The following CFAP251 variants were observed in gnomAD, a reference collection of about 807,000 sequenced individuals.
CFAP251 encodes the protein cilia and flagella associated protein 251.
Under a neutral mutation model 126.7 loss-of-function variants are expected in CFAP251, and 93 were observed. The ratio of observed to expected loss-of-function variants is 0.73; its 90% CI spans 0.62 to 0.87. CFAP251 has a LOEUF of 0.87. Among genes scored for constraint, CFAP251 ranks in the 40% least tolerant of loss-of-function variants. CFAP251 has a pLI of 0.00. For synonymous variants in CFAP251, 503 were observed against 506.9 expected (o/e 0.99, Z 0.10); for missense variants, 1,287 against 1,389.2 (o/e 0.93, Z 1.17).
rs766384650 is a variant in CFAP251, at chr12:121,921,494, G to GGAGGAGGAGAAAGAA, written c.196_197insAGAAAGAAGAGGAGG (p.Glu65_Gly66insGluLysGluGluGlu). 1 of 1,613,180 alleles carries GGAGGAGGAGAAAGAA rather than the reference G, an allele frequency of 6.2e-7. No homozygotes were observed. The highest frequency in any genetic ancestry group is 1.3e-5 in the African/African-American group (1 of 74,806). Reference sequence around the variant, plus strand: ...GGAAAACGGGCGAGGAGGAAGGGGAGGAGGAGGGGAAGGAGGACAAAAAGA... The same window carrying GGAGGAGGAGAAAGAA: ...GGAAAACGGGCGAGGAGGAAGGGGAGGAGGAGGAGAAAGAAGAGGAGGGGAAGGAGGACAAAAAGA... On this transcript the variant is annotated inframe_insertion, in exon 2 of 22. Transcript: ENST00000288912.
chr12:121,947,203 C>A lies in CFAP251; in HGVS notation c.1192-1781C>A, dbSNP rs147341921. ...ATAATTTGTCTTCCTTTCCTGCTGA[C>A]TAGTTCTTTCTTTGGCTATATCTAA... On this transcript the variant is annotated intron_variant, in intron 7 of 21. Coordinates refer to ENST00000288912, the MANE Select transcript of CFAP251 (RefSeq NM_144668.6). Among the ~76,000 whole-genome samples the A allele has an allele frequency of 2.8e-3, 422 of 152,226 alleles. 1 individual carries two copies. Among genetic ancestry groups the A allele is most frequent in the Non-Finnish European group, 4.6e-3 (316 of 68,010 alleles).
chr12:121,919,215 A>T (rs1401826196), intron 1 of CFAP251, among the ~76,000 whole-genome samples: 2 of 151,826 alleles, frequency 1.3e-5, no homozygotes, highest in African/African-American at 4.8e-5. Context: ...AGAAATAGAA[A>T]TACCTTTTCT....
chr12:121,945,807 A>G (rs927427441), intron 7 of CFAP251, among the ~76,000 whole-genome samples: 1 of 151,704 alleles, frequency 6.6e-6, no homozygotes, highest in African/African-American at 2.4e-5. Context: ...CTGGGACTAC[A>G]GGCGCCCACC....
At chr12:121,979,079 C>T (rs184600049) in intron 19 of CFAP251, among the ~76,000 whole-genome samples, 148 of 152,286 alleles carry the variant, frequency 9.7e-4, no homozygotes, top group African/African-American at 3.1e-3. Context: ...TCCCTGCTCT[C>T]GGCTTCAGTG....
chr12:121,995,822 A>G (rs541812605), intron 19 of CFAP251, among the ~76,000 whole-genome samples: 1 of 152,316 alleles, frequency 6.6e-6, no homozygotes, highest in Non-Finnish European at 1.5e-5. Flanking sequence ...CATCTCTGAA[A>G]CTACTAGGTG....
At chr12:121,982,375 T>C (rs891986553) in intron 19 of CFAP251, among the ~76,000 whole-genome samples, 2 of 150,984 alleles carry the variant, frequency 1.3e-5, no homozygotes, top group African/African-American at 4.9e-5. Flanking sequence ...TCATTCAGGA[T>C]TCTTGATTTT....
At chr12:121,979,316 G>T (rs944910392) in intron 19 of CFAP251, among the ~76,000 whole-genome samples, 2 of 152,178 alleles carry the variant, frequency 1.3e-5, no homozygotes, top group African/African-American at 4.8e-5. Context: ...CCCACGTGGT[G>T]TTCCAGAGAG....
intron 5 of CFAP251, among the ~76,000 whole-genome samples, chr12:121,940,995 G>A (rs1881089175): frequency 6.6e-6 from 1 of 151,858 alleles, no homozygotes; most frequent in Non-Finnish European, 1.5e-5. Context: ...TTTGAAGGCA[G>A]CAAAGTTTTT....
At chr12:121,954,636 TAAAAAAAAAAAAA>T (rs1174239421) in intron 10 of CFAP251, among the ~76,000 whole-genome samples, 19 of 41,982 alleles carry the variant, frequency 4.5e-4, no homozygotes, top group Non-Finnish European at 6.0e-4. Context: ...CCTCCTGTCT[TAAAAAAAAAAAAA>T]AAAAAAAAAA....
At position 121,921,636 on chromosome 12, in the gene CFAP251, G is replaced by T. The variant is rs199671406; in HGVS notation, c.331G>T (p.Glu111Ter). Residue 111 changes from glutamate to a stop codon, truncating the protein, a stop_gained, in exon 2 of 22, where the codon GAG becomes TAG. Transcript: ENST00000288912. LOFTEE classifies it high-confidence loss of function. ...QEVTASMIRL[E>*]TQITDSQSIT... ...AGTCACAGCGTCCATGATCCGTTTG[G>T]AGACACAGATTACTGATTCCCAGTC... 3,303 of 1,612,264 alleles carry T rather than the reference G, an allele frequency of 2.0e-3. 7 individuals carry two copies. The highest frequency in any genetic ancestry group is 2.6e-3 in the Non-Finnish European group (3,073 of 1,179,478).
Position 122,003,800 on chromosome 12 carries a change from G to C in CFAP251, c.*36G>C. On this transcript the variant is annotated 3_prime_UTR_variant, in exon 22 of 22. Transcript: ENST00000288912. ...AATGTTTAAAGCACAAAGGACTTTG[G>C]GTGTGTGTGCATGCACATGTGTGTG... 1 of 1,535,914 alleles carries C rather than the reference G, an allele frequency of 6.5e-7. No individual in the cohort carries two copies. The highest frequency in any genetic ancestry group is 1.4e-5 in the African/African-American group (1 of 71,486).
rs542062950 is a variant in CFAP251 at position 121,992,206 on chromosome 12, C to A, written c.3007-7510C>A. On this transcript the variant is annotated intron_variant, in intron 19 of 21. Coordinates refer to ENST00000288912, the MANE Select transcript of CFAP251 (RefSeq NM_144668.6). ...ACGGGGGCGTTCAGAACAAGCTCTGCGTTCTATTTCCAGCTCCGAGGTTCC... is the reference window on the plus strand; with the variant it reads ...ACGGGGGCGTTCAGAACAAGCTCTGAGTTCTATTTCCAGCTCCGAGGTTCC... 3.6e-5 allele frequency: 35 copies of A among 985,464 alleles called. No individual in the cohort carries two copies. The South Asian group carries it at 1.5e-3, about 41-fold the overall frequency. 61.0% of individuals were successfully genotyped at this position (985,464 alleles called of 1,614,324 possible).
At position 121,975,648 on chromosome 12, in the gene CFAP251, T is replaced by A; in HGVS notation, c.2969T>A (p.Val990Asp). 6.3e-7 allele frequency: 1 copy of A among 1,597,090 alleles called. No individual in the cohort carries two copies. The highest frequency in any genetic ancestry group is 8.5e-7 in the Non-Finnish European group (1 of 1,175,088). The change falls in exon 19 of 22, where the codon GTC becomes GAC. Residue 990 changes from valine to aspartate, a missense_variant. Physicochemically the swap from Val to Asp is radical, Grantham distance 152. Coordinates refer to ENST00000288912, the MANE Select transcript of CFAP251 (RefSeq NM_144668.6). Reference sequence around the variant, plus strand: ...ATTTGCCTGTCAGAGCTTCCTTTTGTCATGAGAGCAATTGGCTTTTACCCA... The same window carrying A: ...ATTTGCCTGTCAGAGCTTCCTTTTGACATGAGAGCAATTGGCTTTTACCCA... The part of the protein sequence containing the change: ...EHICLSELPF[V>D]MRAIGFYPSE...
Position 121,923,727 on chromosome 12 carries a change from G to C in CFAP251, c.484G>C (p.Asp162His). Residue 162 changes from aspartate (D) to histidine (H), a missense_variant, in exon 3 of 22, where the codon GAT (aspartate) becomes CAT (histidine). Asp to His is a moderately conservative substitution (Grantham distance 81). Transcript: ENST00000288912. ...LSTQIEFLDL[D>H]QISPEEQQIS... ...CACACAAATTGAATTTCTTGATTTG[G>C]ATCAAATCAGTCCTGAGGAACAACA... 6.2e-7 allele frequency: 1 copy of C among 1,613,656 alleles called. No individual in the cohort carries two copies. Among genetic ancestry groups the C allele is most frequent in the Non-Finnish European group, 8.5e-7 (1 of 1,179,792 alleles).
intron 1 of CFAP251, among the ~76,000 whole-genome samples, chr12:121,920,152 C>G (rs1423056246): frequency 6.7e-6 from 1 of 150,012 alleles, no homozygotes; most frequent in Non-Finnish European, 1.5e-5. Context: ...CCACTGCACT[C>G]CAGCCTGGGC....
intron 19 of CFAP251, among the ~76,000 whole-genome samples, chr12:121,987,106 A>G (rs1169077): frequency 0.88 from 133,599 of 152,182 alleles, 58,820 homozygotes; most frequent in African/African-American, 0.94. Context: ...CAAGAAGCAC[A>G]GGGACAATTT....
intron 19 of CFAP251, among the ~76,000 whole-genome samples, chr12:121,993,198 A>G (rs1241742553): frequency 7.1e-6 from 1 of 141,264 alleles, no homozygotes; most frequent in Non-Finnish European, 1.5e-5. Context: ...CCAGCCCCTA[A>G]CCGCGAGTGA....
At position 121,968,033 on chromosome 12, in the gene CFAP251, G is replaced by T. The variant is rs766644694; in HGVS notation, c.2635G>T (p.Gly879Cys). 6 of 1,609,882 alleles carry T rather than the reference G, an allele frequency of 3.7e-6. No homozygotes were observed. The Admixed American group carries it at 1.0e-4, about 27-fold the overall frequency. Residue 879 changes from glycine (G) to cysteine (C), a missense_variant, in exon 17 of 22, where the codon GGC (glycine) becomes TGC (cysteine). Gly to Cys is a radical substitution (Grantham distance 159, BLOSUM62 -3). Transcript: ENST00000288912. Reference sequence around the variant, plus strand: ...GGGACTTCAGATCTTACCAGTTGACGGCAATCCACATAAGACATCTGCTAT... The same window carrying T: ...GGGACTTCAGATCTTACCAGTTGACTGCAATCCACATAAGACATCTGCTAT... The part of the protein sequence containing the change: ...KVGLQILPVD[G>C]NPHKTSAIVC...
intron 10 of CFAP251, among the ~76,000 whole-genome samples, chr12:121,955,152 G>C (rs1881683883): frequency 6.6e-6 from 1 of 152,130 alleles, no homozygotes; most frequent in African/African-American, 2.4e-5. Flanking sequence ...AAATTAGGCA[G>C]GTGTGGTGGT....
Sources: gnomAD v4.1 joint callset for allele counts (sites outside exome capture counted in the v4.1 genomes callset) on GRCh38, gnomAD v4.1.1 for gene constraint, MANE v1.5 for transcripts, NCBI Gene and HGNC (gene_info 2026-07-23, HGNC 2026-07-21) for gene names.